The following RNF144A variants were observed in gnomAD, a reference collection of about 807,000 sequenced individuals.
RNF144A encodes the protein ring finger protein 144A.
In RNF144A, 11 loss-of-function variants were observed where a neutral mutation model predicts 38.7. The ratio of observed to expected loss-of-function variants is 0.28; its 90% CI spans 0.18 to 0.47. The LOEUF (loss-of-function observed/expected upper bound fraction) is 0.47. RNF144A is among the 20% of genes least tolerant of loss of function. The probability of loss-of-function intolerance (pLI) is 0.99; values close to 1 mark genes in which losing one functional copy is unlikely to be tolerated. For missense variants in RNF144A, 316 were observed against 377.2 expected, an observed-to-expected ratio of 0.84 and a Z score of 1.34; for synonymous variants, 149 against 143.9, an observed-to-expected ratio of 1.04 and a Z score of -0.25.
chr2:7,016,531 A>C (rs1319469690), intron 5 of RNF144A, among the ~76,000 whole-genome samples: 1 of 150,356 alleles, frequency 6.7e-6, no homozygotes, highest in Non-Finnish European at 1.5e-5. Flanking sequence ...TTGCATAAAC[A>C]TGAAGCCAAC....
chr2:7,025,273 A>G (rs1671810221), intron 7 of RNF144A, among the ~76,000 whole-genome samples: 1 of 152,238 alleles, frequency 6.6e-6, no homozygotes, highest in Non-Finnish European at 1.5e-5. Flanking sequence ...GCTGCTATTT[A>G]GCTTCTCATT....
At chr2:6,976,674 T>A (rs113356110) in intron 2 of RNF144A, among the ~76,000 whole-genome samples, 318 of 149,616 alleles carry the variant, frequency 2.1e-3, no homozygotes, top group African/African-American at 7.2e-3. Flanking sequence ...TATATAAACT[T>A]TATATATAAT....
chr2:7,042,906 C>A lies in RNF144A; in HGVS notation c.*3146C>A, dbSNP rs1023536761. 12 of 948,992 alleles carry A rather than the reference C, an allele frequency of 1.3e-5. No individual in the cohort carries two copies. The highest frequency in any genetic ancestry group is 1.8e-5 in the African/African-American group (1 of 56,378). The allele number at this position is 948,992 out of a possible 1,614,324, so 58.8% of individuals were successfully genotyped here. Reference sequence around the variant, plus strand: ...TTTTGAGACGGAGTTTCGCTTTTGTCCCCCAAGCTGGAGTACAATGACAGG... The same window carrying A: ...TTTTGAGACGGAGTTTCGCTTTTGTACCCCAAGCTGGAGTACAATGACAGG... On this transcript the variant is annotated 3_prime_UTR_variant, in exon 9 of 9. Coordinates refer to ENST00000320892, the MANE Select transcript of RNF144A (RefSeq NM_014746.6).
intron 2 of RNF144A, among the ~76,000 whole-genome samples, chr2:6,964,835 G>A (rs1209577221): frequency 6.6e-6 from 1 of 151,946 alleles, no homozygotes; most frequent in Non-Finnish European, 1.5e-5. Flanking sequence ...TCGGGGAGGG[G>A]GAGGGATAGC....
chr2:7,040,369 A>G lies in RNF144A; in HGVS notation c.*609A>G. On this transcript the variant is annotated 3_prime_UTR_variant, in exon 9 of 9. Coordinates refer to ENST00000320892, the MANE Select transcript of RNF144A (RefSeq NM_014746.6). ...AAACGACTTTTCAGGAGATTTAGAAAGCCTTATGCACTCTTTGTGTTTTTC... is the reference window on the plus strand; with the variant it reads ...AAACGACTTTTCAGGAGATTTAGAAGGCCTTATGCACTCTTTGTGTTTTTC... 2 of 985,500 alleles carry G rather than the reference A, an allele frequency of 2.0e-6. No homozygotes were observed. Among genetic ancestry groups the G allele is most frequent in the Non-Finnish European group, 1.2e-6 (1 of 829,982 alleles). The allele number at this position is 985,500 out of a possible 1,614,324, so 61.0% of individuals were successfully genotyped here.
Position 7,040,207 on chromosome 2 carries a change from T to A in RNF144A, c.*447T>A. On this transcript the variant is annotated 3_prime_UTR_variant, in exon 9 of 9. Transcript: ENST00000320892. ...AGAGAAGCACTCTGTTTATGACAAC[T>A]GTTTTTATTACTAATGGCATTTAGT... is the stretch of plus-strand genomic sequence containing the variant. The A allele has an allele frequency of 1.0e-6, 1 of 987,218 alleles. No individual in the cohort carries two copies. Among genetic ancestry groups the A allele is most frequent in the Non-Finnish European group, 1.2e-6 (1 of 831,196 alleles). The allele number at this position is 987,218 out of a possible 1,614,324, so 61.2% of individuals were successfully genotyped here. A position where few individuals can be genotyped will look rare whatever the true frequency, so the allele number is the denominator to read the frequency against.
intron 2 of RNF144A, among the ~76,000 whole-genome samples, chr2:6,949,128 A>G (rs78169687): frequency 5.9e-5 from 9 of 152,172 alleles, no homozygotes; most frequent in Non-Finnish European, 1.2e-4. Flanking sequence ...AAGTCAGCCC[A>G]AGAGAGTGTA....
intron 3 of RNF144A, among the ~76,000 whole-genome samples, chr2:7,006,322 C>T (rs1364425892): frequency 6.6e-6 from 1 of 152,132 alleles, no homozygotes; most frequent in Non-Finnish European, 1.5e-5. Flanking sequence ...ATGAACAATT[C>T]TCTACACAGT....
chr2:7,044,120 C>A lies in RNF144A; in HGVS notation c.*4360C>A, dbSNP rs180977572. Reference sequence around the variant, plus strand: ...TTGTGTCTTACGTAGTTTGTCCCCCCCTTTAGCAGGGATTCCTTTTTAAAG... The same window carrying A: ...TTGTGTCTTACGTAGTTTGTCCCCCACTTTAGCAGGGATTCCTTTTTAAAG... On this transcript the variant is annotated 3_prime_UTR_variant, in exon 9 of 9. Coordinates refer to ENST00000320892, the MANE Select transcript of RNF144A (RefSeq NM_014746.6). 3 of 985,652 alleles carry A rather than the reference C, an allele frequency of 3.0e-6. No individual in the cohort carries two copies. The highest frequency in any genetic ancestry group is 1.2e-4 in the Admixed American group (2 of 16,264). The allele number at this position is 985,652 out of a possible 1,614,324, so 61.1% of individuals were successfully genotyped here.
intron 3 of RNF144A, among the ~76,000 whole-genome samples, chr2:7,012,983 T>G (rs1242471431): frequency 2.0e-5 from 3 of 152,316 alleles, no homozygotes; most frequent in African/African-American, 7.2e-5. Context: ...ACATTGTAAT[T>G]TGTACTTGAA....
downstream of RNF144A, among the ~76,000 whole-genome samples, chr2:7,073,125 C>T (rs7563828): frequency 0.22 from 33,815 of 152,104 alleles, 4,372 homozygotes; most frequent in East Asian, 0.49. Flanking sequence ...AACCCTGTCG[C>T]CACTCAGGCC....
intron 1 of RNF144A, among the ~76,000 whole-genome samples, chr2:6,924,679 G>A (rs149604795): frequency 4.3e-4 from 65 of 152,354 alleles, no homozygotes; most frequent in Non-Finnish European, 8.4e-4. Flanking sequence ...GGATGCTTTC[G>A]CCAGTGCCTT....
chr2:7,029,663 A>G (rs1050294966), intron 7 of RNF144A, among the ~76,000 whole-genome samples: 2 of 152,276 alleles, frequency 1.3e-5, no homozygotes, highest in Non-Finnish European at 2.9e-5. Context: ...AATCCCAGGA[A>G]TAGCCCTGTC....
intron 2 of RNF144A, among the ~76,000 whole-genome samples, chr2:6,996,364 A>C (rs1669738495): frequency 6.6e-6 from 1 of 152,130 alleles, no homozygotes; most frequent in Non-Finnish European, 1.5e-5. Context: ...GTCTTATTAA[A>C]ATGCACATCA....
chr2:6,942,821 T>TAA (rs1476649866), intron 2 of RNF144A, among the ~76,000 whole-genome samples: 1 of 152,148 alleles, frequency 6.6e-6, no homozygotes, highest in Non-Finnish European at 1.5e-5. Flanking sequence ...CCATCTCTAC[T>TAA]AAAAATATAA....
intron 2 of RNF144A, among the ~76,000 whole-genome samples, chr2:6,957,831 C>T (rs1425723984): frequency 7.2e-5 from 11 of 152,180 alleles, no homozygotes. Context: ...ACCCCTTTTC[C>T]AATCTTAGCA....
At chr2:6,970,503 A>G (rs975432312) in intron 2 of RNF144A, among the ~76,000 whole-genome samples, 2 of 152,238 alleles carry the variant, frequency 1.3e-5, no homozygotes, top group African/African-American at 2.4e-5. Context: ...GCAGCATGAA[A>G]ACAGACGAAT....
At chr2:7,019,345 C>T (rs897895081) in intron 5 of RNF144A, among the ~76,000 whole-genome samples, 2 of 152,194 alleles carry the variant, frequency 1.3e-5, no homozygotes, top group Admixed American at 6.5e-5. Context: ...GGTGAAGTCC[C>T]GGTCCACGTG....
At chr2:7,011,559 G>A (rs1670805729) in intron 3 of RNF144A, among the ~76,000 whole-genome samples, 1 of 152,184 alleles carries the variant, frequency 6.6e-6, no homozygotes, top group Non-Finnish European at 1.5e-5. Context: ...TATGACTTTT[G>A]TGCATGTTTA....
Sources: allele counts gnomAD v4.1 joint callset (sites outside exome capture counted in the v4.1 genomes callset), GRCh38; gene constraint gnomAD v4.1.1; transcripts MANE v1.5; gene names NCBI Gene and HGNC (gene_info 2026-07-23, HGNC 2026-07-21).